Variants in BBS4 observed in about 807,000 individuals in gnomAD.
The protein encoded by BBS4 is Bardet-Biedl syndrome 4.
BBS4 carries 58 observed loss-of-function variants against 71.4 expected under a neutral mutation model. The ratio of observed to expected loss-of-function variants is 0.81; its 90% CI spans 0.66 to 1.01. The LOEUF (loss-of-function observed/expected upper bound fraction) is 1.01, where lower values mean the gene tolerates loss of function less well. Among genes scored for constraint, BBS4 ranks in the 50% least tolerant of loss-of-function variants. BBS4 has a pLI of 0.00. For missense variants in BBS4, 660 were observed against 607.9 expected (o/e 1.09, Z -0.90); for synonymous variants, 228 against 216.8 (o/e 1.05, Z -0.46).
chr15:72,694,065 A>G (rs1413992889), intron 1 of BBS4, among the ~76,000 whole-genome samples: 1 of 151,578 alleles, frequency 6.6e-6, no homozygotes, highest in Non-Finnish European at 1.5e-5. Flanking sequence ...TTGTATTTTT[A>G]GTAGAGATGG....
At chr15:72,706,287 C>T (rs2151011875) in intron 2 of BBS4, among the ~76,000 whole-genome samples, 1 of 152,196 alleles carries the variant, frequency 6.6e-6, no homozygotes, top group Middle Eastern at 3.4e-3. Flanking sequence ...TAGGTGCCCG[C>T]CACCACTCCC....
intron 14 of BBS4, among the ~76,000 whole-genome samples, chr15:72,736,528 G>C (rs1446175773): frequency 6.6e-6 from 1 of 152,124 alleles, no homozygotes; most frequent in Non-Finnish European, 1.5e-5. Flanking sequence ...GCACTGTTTG[G>C]CCCGGTAATG....
In BBS4 at chr15:72,736,953, G is replaced by A. The variant is rs148682268; in HGVS notation, c.1440G>A (p.Thr480=). The change falls in exon 15 of 16, where the codon ACG becomes ACA. Residue 480 remains threonine, a synonymous_variant. Transcript: ENST00000268057. The stretch of plus-strand genomic sequence containing the variant: ...TGTCTTCAGCAGCTGCATACAGGAC[G>A]CTCCCCTCAGGTAGGACCATACAGA... ...QAMSSAAAYR[T]LPSGAGGTSQ... is the part of the protein sequence containing the mutation. 307 of 1,613,956 alleles carry A rather than the reference G, an allele frequency of 1.9e-4. No homozygotes were observed. Among genetic ancestry groups the A allele is most frequent in the Non-Finnish European group, 1.7e-4 (197 of 1,180,040 alleles).
At chr15:72,701,265 G>A (rs966841425) in intron 2 of BBS4, among the ~76,000 whole-genome samples, 4 of 152,156 alleles carry the variant, frequency 2.6e-5, no homozygotes, top group Non-Finnish European at 4.4e-5. Context: ...AATTATGTTT[G>A]TGAGATTCAT....
At position 72,686,242 on chromosome 15, in the gene BBS4, A is replaced by C; in HGVS notation, c.15A>C (p.Arg5Ser). 2 of 1,566,050 alleles carry C rather than the reference A, an allele frequency of 1.3e-6. No homozygotes were observed. The highest frequency in any genetic ancestry group is 1.7e-6 in the Non-Finnish European group (2 of 1,156,228). The change falls in exon 1 of 16, where the codon AGA becomes AGC. Residue 5 changes from arginine to serine, a missense_variant. Transcript: ENST00000268057. ...GCTGAGCTAAAATGGCTGAGGAGAG[A>C]GTCGCGACGGTGAGCGCCGAGATTC... MAEE[R>S]VATRTQFPVS...
intron 1 of BBS4, among the ~76,000 whole-genome samples, chr15:72,687,573 C>T (rs2064883594): frequency 1.3e-5 from 2 of 149,076 alleles, no homozygotes; most frequent in African/African-American, 4.9e-5. Flanking sequence ...CATTGCACTC[C>T]AGCATGAGCG....
intron 6 of BBS4, chr15:72,717,479 T>G (rs2065487911): frequency 6.6e-6 from 1 of 152,608 alleles, no homozygotes; most frequent in African/African-American, 2.4e-5. Context: ...ACAAGAAGAC[T>G]GCTGCATCCA....
chr15:72,714,981 T>C (rs2151022943), intron 4 of BBS4, among the ~76,000 whole-genome samples: 1 of 152,316 alleles, frequency 6.6e-6, no homozygotes, highest in Non-Finnish European at 1.5e-5. Context: ...AGCCCCAAAA[T>C]GTTGTTAATG....
In BBS4 at chr15:72,715,293, T is replaced by C. The variant is rs2065447900; in HGVS notation, c.223T>C (p.Leu75=). 5 of 1,607,994 alleles carry C rather than the reference T, an allele frequency of 3.1e-6. No homozygotes were observed. The highest frequency in any genetic ancestry group is 1.1e-5 in the South Asian group (1 of 90,970). The change falls in exon 5 of 16, where the codon TTG becomes CTG. Residue 75 remains leucine (L), a splice_region_variant and synonymous_variant. Coordinates refer to ENST00000268057, the MANE Select transcript of BBS4 (RefSeq NM_033028.5). ...TTGTATTTTCTGTTTCTTGGCAGCA[T>C]TGATATTTCGCCTAGAAGGAAATAT... ...LCEYAIYVQA[L]IFRLEGNIQE...
At chr15:72,709,643 G>A in intron 2 of BBS4, 57 bp from the exon 3 acceptor site, 3 of 1,291,382 alleles carry the variant, frequency 2.3e-6, no homozygotes, top group Non-Finnish European at 2.3e-6. Flanking sequence ...TGAGGACAGT[G>A]CTAAAGGAGA....
chr15:72,695,579 G>A (rs1327717325), intron 2 of BBS4, among the ~76,000 whole-genome samples: 5 of 152,130 alleles, frequency 3.3e-5, no homozygotes, highest in East Asian at 3.8e-4. Context: ...GAGCCGCCAC[G>A]CCTGGCCAGA....
intron 2 of BBS4, among the ~76,000 whole-genome samples, chr15:72,706,835 A>AT (rs952171764): frequency 6.6e-6 from 1 of 151,668 alleles, no homozygotes; most frequent in African/African-American, 2.4e-5. Context: ...CTTCTTTTTT[A>AT]TTTTTTTAAA....
chr15:72,717,025 T>G (rs1299228885), intron 6 of BBS4, 175 bp downstream of exon 6: 3 of 619,034 alleles, frequency 4.8e-6, no homozygotes, highest in African/African-American at 1.8e-5. Context: ...CTCATAACTT[T>G]GCAGGCATTG....
intron 10 of BBS4, among the ~76,000 whole-genome samples, chr15:72,730,434 C>CA (rs1340552665): frequency 6.6e-6 from 1 of 151,706 alleles, no homozygotes; most frequent in East Asian, 1.9e-4. Context: ...CCCATTTCTA[C>CA]AAAAAAAATT....
In BBS4 at chr15:72,735,909, G is replaced by A. The variant is rs772852069; in HGVS notation, c.1191G>A (p.Glu397=). ...AGAACGCCCTGGCCCAATATCAGGAGATGGAGAAGAAAGTCAGCCTACTCA... is the reference window on the plus strand; with the variant it reads ...AGAACGCCCTGGCCCAATATCAGGAAATGGAGAAGAAAGTCAGCCTACTCA... ...EKKNALAQYQ[E]MEKKVSLLKD... is the part of the protein sequence containing the mutation. Residue 397 remains glutamate, a synonymous_variant, in exon 14 of 16, where the codon GAG becomes GAA. Coordinates refer to ENST00000268057, the MANE Select transcript of BBS4 (RefSeq NM_033028.5). 8.7e-6 allele frequency: 14 copies of A among 1,614,002 alleles called. No homozygotes were observed. Among genetic ancestry groups the A allele is most frequent in the Non-Finnish European group, 1.1e-5 (13 of 1,180,026 alleles).
intron 2 of BBS4, among the ~76,000 whole-genome samples, chr15:72,702,852 G>C (rs2065197025): frequency 7.9e-6 from 1 of 126,768 alleles, no homozygotes; most frequent in Non-Finnish European, 1.6e-5. Flanking sequence ...CTGTCGCCCA[G>C]GCTGGAGTGC....
intron 12 of BBS4, 96 bp from the exon 13 acceptor site, chr15:72,735,017 G>C (rs1329281606): frequency 1.2e-6 from 1 of 855,040 alleles, no homozygotes; most frequent in South Asian, 1.4e-5. Flanking sequence ...CTGGTGCCAT[G>C]AGCTGACAGG....
chr15:72,733,590 T>G (rs2065868340), intron 12 of BBS4, among the ~76,000 whole-genome samples: 1 of 152,192 alleles, frequency 6.6e-6, no homozygotes, highest in African/African-American at 2.4e-5. Flanking sequence ...TCTATGTTGC[T>G]GCAAAGGACA....
intron 6 of BBS4, among the ~76,000 whole-genome samples, chr15:72,717,789 TCTAA>T (rs763365850): frequency 2.0e-5 from 3 of 152,190 alleles, no homozygotes; most frequent in Non-Finnish European, 4.4e-5. Flanking sequence ...AGAGATGTTC[TCTAA>T]CTATTCTCTA....
Sources: gnomAD v4.1 joint callset for allele counts (sites outside exome capture counted in the v4.1 genomes callset) on GRCh38, gnomAD v4.1.1 for gene constraint, MANE v1.5 for transcripts, NCBI Gene and HGNC (gene_info 2026-07-23, HGNC 2026-07-21) for gene names.